Variants in HDAC4 observed in about 807,000 individuals in gnomAD.
The protein encoded by HDAC4 is histone deacetylase A.
Under a neutral mutation model 135.1 loss-of-function variants are expected in HDAC4, and 16 were observed. That is an observed-to-expected ratio of 0.12 (90% CI 0.08 to 0.18). HDAC4 has a LOEUF of 0.18. Ranked by LOEUF, HDAC4 falls within the 10% of genes least tolerant of loss-of-function variation. The probability of loss-of-function intolerance (pLI) is 1.00; values close to 1 mark genes in which losing one functional copy is unlikely to be tolerated. For synonymous variants in HDAC4, 685 were observed against 653.4 expected, an observed-to-expected ratio of 1.05 and a Z score of -0.74; for missense variants, 1,143 against 1,511.8, an observed-to-expected ratio of 0.76 and a Z score of 4.05.
In HDAC4 at chr2:239,068,571, C is replaced by A; in HGVS notation, c.2787G>T (p.Pro929=). Residue 929 remains proline (P), a synonymous_variant, in exon 23 of 27, where the codon CCG becomes CCT. Transcript: ENST00000543185. This position sits in a 1 kb window ranked among gnomAD's most constrained non-coding sequence, Gnocchi z 4.4. ...AGCCTGATGACACCAGCACCACATC[C>A]GGGGCAAACTCGCTGGCGATCGGCA... ...VVMPIASEFA[P]DVVLVSSGFD... is the part of the protein sequence containing the mutation. The A allele has an allele frequency of 6.2e-7, 1 of 1,614,060 alleles. No individual in the cohort carries two copies. The highest frequency in any genetic ancestry group is 1.1e-5 in the South Asian group (1 of 91,082).
chr2:239,159,722 C>T (rs927142207), intron 6 of HDAC4, among the ~76,000 whole-genome samples: 1 of 152,374 alleles, frequency 6.6e-6, no homozygotes, highest in Middle Eastern at 3.4e-3. Context: ...CACACAGTCA[C>T]ACTGGCCACC....
At chr2:239,351,626 A>C (rs1388467774) in intron 2 of HDAC4, 3 of 154,402 alleles carry the variant, frequency 1.9e-5, no homozygotes, top group Non-Finnish European at 4.4e-5. Flanking sequence ...ATATCTAAAA[A>C]AACCTGGAAT....
rs1458583375 is a variant in HDAC4, at chr2:239,299,017, C to T, written c.22+53661G>A. Reference sequence around the variant, plus strand: ...CCGAGTAGCTGGGACTACAGGTGCCCGCCACCACGCCCAGCTAATTTTTTG... The same window carrying T: ...CCGAGTAGCTGGGACTACAGGTGCCTGCCACCACGCCCAGCTAATTTTTTG... On this transcript the variant is annotated intron_variant, in intron 2 of 26. Coordinates refer to ENST00000543185, the MANE Select transcript of HDAC4 (RefSeq NM_001378414.1). This position sits in a 1 kb window ranked among gnomAD's most constrained non-coding sequence, Gnocchi z 4.0. Among the ~76,000 whole-genome samples the T allele has an allele frequency of 4.0e-5, 6 of 151,788 alleles. No homozygotes were observed. The highest frequency in any genetic ancestry group is 1.9e-4 in the East Asian group (1 of 5,158).
chr2:239,148,832 C>A (rs1277933879), intron 7 of HDAC4, among the ~76,000 whole-genome samples: 1 of 152,174 alleles, frequency 6.6e-6, no homozygotes, highest in Non-Finnish European at 1.5e-5. Flanking sequence ...AAGCACCAGG[C>A]GGCCTGCTGT....
At chr2:239,318,686 G>GAA (rs35112686) in intron 2 of HDAC4, among the ~76,000 whole-genome samples, 177 of 142,192 alleles carry the variant, frequency 1.2e-3, no homozygotes, top group South Asian at 1.6e-3. Context: ...AAACGATTCT[G>GAA]AAAAAAAAAA....
intron 12 of HDAC4, among the ~76,000 whole-genome samples, chr2:239,118,495 C>A (rs1036886690): frequency 6.6e-6 from 1 of 152,052 alleles, no homozygotes; most frequent in African/African-American, 2.4e-5. Flanking sequence ...TGGGTGGCCG[C>A]GCGTCGGGAA....
chr2:239,386,656 A>G (rs1460337754), intron 1 of HDAC4, among the ~76,000 whole-genome samples: 1 of 152,178 alleles, frequency 6.6e-6, no homozygotes, highest in African/African-American at 2.4e-5. Flanking sequence ...TCCCATGAGC[A>G]CCGGCTTTAG....
At chr2:239,093,961 T>C in intron 17 of HDAC4, 1 of 985,402 alleles carries the variant, frequency 1.0e-6, no homozygotes, top group Non-Finnish European at 1.2e-6. Flanking sequence ...GTTTATTCTC[T>C]TTCTGACGGG....
chr2:239,339,156 T>C (rs1466318238), intron 2 of HDAC4, among the ~76,000 whole-genome samples: 1 of 152,252 alleles, frequency 6.6e-6, no homozygotes, highest in Non-Finnish European at 1.5e-5. Context: ...CCACCTGCTG[T>C]TCCTATCCAG....
Position 239,068,744 on chromosome 2 carries a change from C to G in HDAC4, c.2751-137G>C. The stretch of plus-strand genomic sequence containing the variant: ...CCACTGGCGGGCTGAGGGCTCCACA[C>G]AGCAGGCTGGAATCTGGCGACCACG... On this transcript the variant is annotated intron_variant, in intron 22 of 26. Coordinates refer to ENST00000543185, the MANE Select transcript of HDAC4 (RefSeq NM_001378414.1). The surrounding 1 kb of genome is among the most constrained non-coding windows in gnomAD (Gnocchi z 4.4). 1.3e-6 allele frequency: 1 copy of G among 774,988 alleles called. No individual in the cohort carries two copies. The allele number at this position is 774,988 out of a possible 1,614,324, so 48.0% of individuals were successfully genotyped here. A position where few individuals can be genotyped will look rare whatever the true frequency, so the allele number is the denominator to read the frequency against.
At chr2:239,293,325 G>T (rs556201878) in intron 2 of HDAC4, among the ~76,000 whole-genome samples, 1 of 152,234 alleles carries the variant, frequency 6.6e-6, no homozygotes, top group Non-Finnish European at 1.5e-5. Flanking sequence ...TCCCCCAAAG[G>T]GGTTTGACCA....
At chr2:239,333,518 C>A (rs1250911191) in intron 2 of HDAC4, among the ~76,000 whole-genome samples, 2 of 151,840 alleles carry the variant, frequency 1.3e-5, no homozygotes, top group Non-Finnish European at 2.9e-5. Context: ...TGACTATAAG[C>A]AATGTAAATT....
chr2:239,333,107 T>C lies in HDAC4; in HGVS notation c.22+19571A>G, dbSNP rs1161654269. Among the ~76,000 whole-genome samples the C allele has an allele frequency of 2.0e-5, 3 of 152,108 alleles. No individual in the cohort carries two copies. In the East Asian group the frequency reaches 5.8e-4, roughly 29 times the overall value. On this transcript the variant is annotated intron_variant, in intron 2 of 26. Transcript: ENST00000543185. ...ACTCCAAGATAAGTTCATAAGCAAA[T>C]CCATCCCAACTTAAGAAAGAAATAG...
chr2:239,290,452 A>C (rs546890214), intron 2 of HDAC4, among the ~76,000 whole-genome samples: 15 of 152,334 alleles, frequency 9.8e-5, no homozygotes, highest in African/African-American at 2.9e-4. Context: ...ACTAGGGAGA[A>C]TATGGTAAAA....
In HDAC4 at chr2:239,108,139, C is replaced by T. The variant is rs568133035; in HGVS notation, c.2023G>A (p.Gly675Arg). ...TLMLKHQCTC[G>R]SSSSHPEHAG... Reference sequence around the variant, plus strand: ...TGCTCGGGGTGGCTGCTGCTACTCCCGCAGGTGCACTGGTGCTTCAGCATC... The same window carrying T: ...TGCTCGGGGTGGCTGCTGCTACTCCTGCAGGTGCACTGGTGCTTCAGCATC... The change falls in exon 15 of 27, where the codon GGG becomes AGG. Residue 675 changes from glycine (G) to arginine (R), a missense_variant. This residue lies in a region of HDAC4 where 47 missense variants were observed against 117.2 expected (regional missense o/e 0.40). Transcript: ENST00000543185. 12 of 1,606,990 alleles carry T rather than the reference C, an allele frequency of 7.5e-6. No homozygotes were observed. The highest frequency in any genetic ancestry group is 1.1e-5 in the South Asian group (1 of 90,234).
intron 22 of HDAC4, among the ~76,000 whole-genome samples, chr2:239,070,922 C>T (rs2034123974): frequency 1.1e-5 from 1 of 90,932 alleles, no homozygotes; most frequent in African/African-American, 4.7e-5. Context: ...AATGCAGTCT[C>T]TGTTGTTTTT....
At chr2:239,382,381 T>C (rs1385053818) in intron 1 of HDAC4, among the ~76,000 whole-genome samples, 1 of 152,274 alleles carries the variant, frequency 6.6e-6, no homozygotes, top group Non-Finnish European at 1.5e-5. Context: ...CAGCAACTGC[T>C]TATTTGTATT....
At chr2:239,386,577 T>C (rs1265300742) in intron 1 of HDAC4, among the ~76,000 whole-genome samples, 2 of 152,158 alleles carry the variant, frequency 1.3e-5, no homozygotes. Context: ...AGCACCACTG[T>C]GTGTTCCAGA....
At chr2:239,272,364 T>C (rs569834269) in intron 2 of HDAC4, among the ~76,000 whole-genome samples, 4 of 152,058 alleles carry the variant, frequency 2.6e-5, no homozygotes, top group East Asian at 3.9e-4. Flanking sequence ...AAAGACACCA[T>C]CCAGAAAGGC....
Sources: allele counts gnomAD v4.1 joint callset (sites outside exome capture counted in the v4.1 genomes callset), GRCh38; gene constraint gnomAD v4.1.1; regional missense constraint gnomAD v4.1.1; non-coding constraint Gnocchi (gnomAD v3.1); transcripts MANE v1.5; gene names NCBI Gene and HGNC (gene_info 2026-07-23, HGNC 2026-07-21).